The following GGT5 variants were observed in gnomAD, a reference collection of about 807,000 sequenced individuals.
GGT5 encodes the protein gamma-glutamyltransferase 5.
Under a neutral mutation model 58.1 loss-of-function variants are expected in GGT5, and 50 were observed. The observed-to-expected ratio is 0.86, with a 90% confidence interval of 0.69 to 1.09. GGT5 has a LOEUF of 1.09. Among genes scored for constraint, GGT5 ranks in the 50% least tolerant of loss-of-function variants. The probability of loss-of-function intolerance (pLI) is 0.00; values close to 1 mark genes in which losing one functional copy is unlikely to be tolerated. For synonymous variants in GGT5, 370 were observed against 346.1 expected (o/e 1.07, Z -0.77); for missense variants, 800 against 789.4 (o/e 1.01, Z -0.16).
At chr22:24,233,755 G>T in intron 2 of GGT5, 119 bp downstream of exon 2, 1 of 1,057,124 alleles carries the variant, frequency 9.5e-7, no homozygotes, top group Middle Eastern at 2.1e-4. Flanking sequence ...AATGGGGCAG[G>T]GCAGGGGGCC....
intron 1 of GGT5, among the ~76,000 whole-genome samples, chr22:24,236,579 C>T (rs570751175): frequency 3.3e-5 from 5 of 152,174 alleles, no homozygotes; most frequent in South Asian, 4.1e-4. Context: ...CTGGCTAACA[C>T]GGTGAAACCC....
At chr22:24,227,956 G>C (rs1207513471) in intron 6 of GGT5, among the ~76,000 whole-genome samples, 5 of 150,456 alleles carry the variant, frequency 3.3e-5, no homozygotes, top group African/African-American at 1.2e-4. Context: ...GGCTGAGGAG[G>C]GAGAATTGCT....
chr22:24,233,120 C>A, intron 3 of GGT5, 102 bp from the exon 4 acceptor site: 1 of 894,162 alleles, frequency 1.1e-6, no homozygotes, highest in East Asian at 2.9e-5. Flanking sequence ...CCAGAGTGAG[C>A]TTTCTGGAGC....
rs781678807 is a variant in GGT5 at position 24,226,135 on chromosome 22, A to G, written c.1170T>C (p.His390=). Reference sequence around the variant, plus strand: ...TGCCATCCTCCCCCAGCACAGACACATGGGACGTGCCTGTCCCGTGGCCCC... The same window carrying G: ...TGCCATCCTCCCCCAGCACAGACACGTGGGACGTGCCTGTCCCGTGGCCCC... ...EAWGHGTGTS[H]VSVLGEDGSA... The change falls in exon 8 of 12, where the codon CAT becomes CAC. Residue 390 remains histidine (H), a synonymous_variant. Coordinates refer to ENST00000327365, the MANE Select transcript of GGT5 (RefSeq NM_004121.5). The G allele has an allele frequency of 2.5e-6, 4 of 1,611,022 alleles. No homozygotes were observed. Among genetic ancestry groups the G allele is most frequent in the South Asian group, 1.1e-5 (1 of 90,972 alleles).
chr22:24,233,327 G>A (rs2048004091), intron 3 of GGT5, among the ~76,000 whole-genome samples, 171 bp downstream of exon 3: 1 of 152,070 alleles, frequency 6.6e-6, no homozygotes, highest in South Asian at 2.1e-4. Context: ...CGTTCCCAAG[G>A]GGGACCTTCT....
chr22:24,244,311 A>ACC (rs920153729), intron 1 of GGT5: 6 of 494,494 alleles, frequency 1.2e-5, no homozygotes, highest in Non-Finnish European at 2.1e-5. Flanking sequence ...ACACACACAC[A>ACC]CACACCCACC....
intron 1 of GGT5, among the ~76,000 whole-genome samples, chr22:24,237,778 A>G (rs2048142531): frequency 6.6e-6 from 1 of 152,238 alleles, no homozygotes; most frequent in Non-Finnish European, 1.5e-5. Flanking sequence ...ATAAGACAGC[A>G]GGAACAAAGC....
At chr22:24,230,511 T>C (rs1324924106) in intron 6 of GGT5, among the ~76,000 whole-genome samples, 1 of 151,984 alleles carries the variant, frequency 6.6e-6, no homozygotes, top group Non-Finnish European at 1.5e-5. Context: ...TGAACCGAGA[T>C]TGTGCCACTG....
At position 24,226,107 on chromosome 22, in the gene GGT5, C is replaced by A; in HGVS notation, c.1198G>T (p.Ala400Ser). 1 of 1,604,270 alleles carries A rather than the reference C, an allele frequency of 6.2e-7. No homozygotes were observed. The highest frequency in any genetic ancestry group is 8.5e-7 in the Non-Finnish European group (1 of 1,175,196). ...TTGATGGTGCTGGTGGCAGCCACGG[C>A]GCTGCCATCCTCCCCCAGCACAGAC... ...HVSVLGEDGS[A>S]VAATSTINTP... is the part of the protein sequence containing the mutation. Residue 400 changes from alanine (A) to serine (S), a missense_variant, in exon 8 of 12, where the codon GCC becomes TCC. Physicochemically the swap from Ala to Ser is moderately conservative, Grantham distance 99 (BLOSUM62 1). Transcript: ENST00000327365.
At chr22:24,232,349 C>T (rs534076894) in intron 4 of GGT5, 141 bp from the exon 5 acceptor site, 118 of 558,290 alleles carry the variant, frequency 2.1e-4, no homozygotes, top group African/African-American at 2.1e-3. Flanking sequence ...GGGTGGACAC[C>T]GGGGAACTGA....
chr22:24,233,045 C>T, intron 3 of GGT5, 27 bp from the exon 4 acceptor site: 1 of 1,444,262 alleles, frequency 6.9e-7, no homozygotes, highest in Non-Finnish European at 9.2e-7. Flanking sequence ...AGCTCTCAAC[C>T]CTGTGGCTTC....
intron 1 of GGT5, among the ~76,000 whole-genome samples, chr22:24,238,545 A>T (rs2148936304): frequency 6.8e-6 from 1 of 146,750 alleles, no homozygotes; most frequent in Admixed American, 7.1e-5. Flanking sequence ...AAAAAAAAAA[A>T]ATACAAAAAT....
Position 24,226,839 on chromosome 22 carries a change from C to T in GGT5, c.902-72G>A. On this transcript the variant is annotated intron_variant, in intron 6 of 11. Transcript: ENST00000327365. ...TGGGTTGAATGTTGCCCCCACCCCC[C>T]ACCACAGAAAGATCCACCCACATCC... 6.8e-6 allele frequency: 9 copies of T among 1,319,402 alleles called. No homozygotes were observed. In the Admixed American group the frequency reaches 1.0e-4, roughly 15 times the overall value. The allele number at this position is 1,319,402 out of a possible 1,614,324, so 81.7% of individuals were successfully genotyped here. A position where few individuals can be genotyped will look rare whatever the true frequency, so the allele number is the denominator to read the frequency against.
chr22:24,225,029 C>T lies in GGT5; in HGVS notation c.1581G>A (p.Lys527=). 1 of 1,600,048 alleles carries T rather than the reference C, an allele frequency of 6.2e-7. No individual in the cohort carries two copies. The highest frequency in any genetic ancestry group is 1.1e-5 in the South Asian group (1 of 88,984). Residue 527 remains lysine (K), a synonymous_variant, in exon 11 of 12, where the codon AAG becomes AAA. Coordinates refer to ENST00000327365, the MANE Select transcript of GGT5 (RefSeq NM_004121.5). ...IAAPILHVNS[K]GCVEYEPNFS... ...AGTTGGGCTCGTACTCCACACAGCC[C>T]TTGCTGTTGACATGCAGGATGGGGG...
intron 11 of GGT5, among the ~76,000 whole-genome samples, chr22:24,223,422 T>G (rs906438030): frequency 1.3e-5 from 2 of 151,072 alleles, no homozygotes; most frequent in Admixed American, 1.3e-4. Flanking sequence ...AAAAAAAGAG[T>G]CAAGGGAGGA....
Position 24,233,528 on chromosome 22 carries a change from G to T in GGT5, c.370C>A (p.Gln124Lys). 6.2e-7 allele frequency: 1 copy of T among 1,608,814 alleles called. No homozygotes were observed. Among genetic ancestry groups the T allele is most frequent in the Non-Finnish European group, 8.5e-7 (1 of 1,178,676 alleles). Residue 124 changes from glutamine (Q) to lysine (K), a missense_variant, in exon 3 of 12, where the codon CAG becomes AAG. Physicochemically the swap from Gln to Lys is moderately conservative, Grantham distance 53. Coordinates refer to ENST00000327365, the MANE Select transcript of GGT5 (RefSeq NM_004121.5). ...PASHAPSLLD[Q>K]CAQALPLGTG... ...CCCAGTGGCAGAGCCTGTGCACACTGGTCCAGCAGGCTCGGGGCGTGGCTG... is the reference window on the plus strand; with the variant it reads ...CCCAGTGGCAGAGCCTGTGCACACTTGTCCAGCAGGCTCGGGGCGTGGCTG...
intron 8 of GGT5, 95 bp from the exon 9 acceptor site, chr22:24,225,747 C>T: frequency 1.3e-6 from 1 of 787,276 alleles, no homozygotes; most frequent in South Asian, 1.5e-5. Flanking sequence ...CCTCGTTTTA[C>T]AGCTGCCCCG....
intron 6 of GGT5, among the ~76,000 whole-genome samples, chr22:24,230,563 T>TTAA (rs77986845): frequency 4.0e-4 from 61 of 150,928 alleles, no homozygotes; most frequent in South Asian, 2.3e-3. Flanking sequence ...GTCTCAATAA[T>TTAA]TAATAATAAT....
chr22:24,244,621 T>C lies in GGT5; in HGVS notation c.105A>G (p.Pro35=). The change falls in exon 1 of 12, where the codon CCA becomes CCG. Residue 35 remains proline (P), a synonymous_variant. Coordinates refer to ENST00000327365, the MANE Select transcript of GGT5 (RefSeq NM_004121.5). ...CGTGGGCAAAGGCCTGGGGGCCACA[T>C]GGGGCCTGGTGTCGAGAGAGGACCA... ...LAVVLSRHQA[P]CGPQAFAHAA... 6.2e-7 allele frequency: 1 copy of C among 1,612,728 alleles called. No individual in the cohort carries two copies. Among genetic ancestry groups the C allele is most frequent in the Non-Finnish European group, 8.5e-7 (1 of 1,179,876 alleles).
Sources: allele counts gnomAD v4.1 joint callset (sites outside exome capture counted in the v4.1 genomes callset), GRCh38; gene constraint gnomAD v4.1.1; transcripts MANE v1.5; gene names NCBI Gene and HGNC (gene_info 2026-07-23, HGNC 2026-07-21).